Variants in NRG1 observed in about 807,000 individuals in gnomAD.
NRG1 encodes the protein neuregulin 1, also known as pro-neuregulin-1, membrane-bound isoform.
A neutral mutation model predicts 63.8 loss-of-function variants in NRG1; 18 were observed. The ratio of observed to expected loss-of-function variants is 0.28; its 90% confidence interval spans 0.19 to 0.42. NRG1 has a LOEUF of 0.42. Ranked by LOEUF, NRG1 falls within the 10% of genes least tolerant of loss-of-function variation. The pLI is 1.00. For synonymous variants in NRG1, 302 were observed against 301.3 expected (o/e 1.00, Z -0.02); for missense variants, 762 against 814.7 (o/e 0.94, Z 0.79).
chr8:32,463,781 C>T (rs1193026239), intron 1 of NRG1, among the ~76,000 whole-genome samples: 1 of 148,058 alleles, frequency 6.8e-6, no homozygotes, highest in Non-Finnish European at 1.5e-5. Context: ...GTCAAGGCTA[C>T]GGTAAGCCAT....
intron 5 of NRG1, among the ~76,000 whole-genome samples, chr8:32,624,218 G>C (rs548151751): frequency 1.2e-4 from 19 of 152,290 alleles, no homozygotes; most frequent in Admixed American, 1.0e-3. Context: ...GGAAGAATCT[G>C]ATTGGCCCTG....
chr8:32,272,192 T>TGCCA (rs1293223677), intron 1 of NRG1, among the ~76,000 whole-genome samples: 2 of 152,174 alleles, frequency 1.3e-5, no homozygotes, highest in Non-Finnish European at 2.9e-5. Flanking sequence ...AAGGTCAGGG[T>TGCCA]GCCAGCCTGC....
At chr8:31,870,389 A>G (rs1032829960) in intron 1 of NRG1, among the ~76,000 whole-genome samples, 17 of 152,212 alleles carry the variant, frequency 1.1e-4, no homozygotes, top group African/African-American at 4.1e-4. Context: ...GAATGCTTTT[A>G]TATAAATTCT....
chr8:32,750,534 C>T (rs1011051288), intron 7 of NRG1, among the ~76,000 whole-genome samples: 1 of 151,908 alleles, frequency 6.6e-6, no homozygotes, highest in African/African-American at 2.4e-5. Context: ...TATCTGGTCC[C>T]CATCCAGCTG....
At chr8:32,641,868 C>T (rs528935608) in intron 5 of NRG1, among the ~76,000 whole-genome samples, 1 of 152,336 alleles carries the variant, frequency 6.6e-6, no homozygotes, top group East Asian at 1.9e-4. Context: ...TCATTCATCT[C>T]ACCTATTTTG....
intron 1 of NRG1, among the ~76,000 whole-genome samples, chr8:32,147,516 C>T (rs1031622641): frequency 6.6e-6 from 1 of 152,138 alleles, no homozygotes; most frequent in African/African-American, 2.4e-5. Flanking sequence ...CAGAATAATA[C>T]TCTTCCCTCC....
chr8:31,949,434 A>G (rs999307054), intron 1 of NRG1, among the ~76,000 whole-genome samples: 1 of 152,184 alleles, frequency 6.6e-6, no homozygotes, highest in Non-Finnish European at 1.5e-5. Context: ...ACTGCCATCA[A>G]AATGAAAATT....
intron 1 of NRG1, among the ~76,000 whole-genome samples, chr8:32,251,677 T>C (rs1849122904): frequency 6.6e-6 from 1 of 152,180 alleles, no homozygotes; most frequent in African/African-American, 2.4e-5. Flanking sequence ...CCCAACAGTG[T>C]AAAAGTGTTC....
chr8:32,299,544 A>T (rs906346807), intron 1 of NRG1, among the ~76,000 whole-genome samples: 6 of 152,310 alleles, frequency 3.9e-5, no homozygotes, highest in East Asian at 1.9e-4. Flanking sequence ...GAAGGAAAAA[A>T]AATAATAATT....
At chr8:31,770,854 C>T (rs527683494) in intron 1 of NRG1, among the ~76,000 whole-genome samples, 1 of 150,460 alleles carries the variant, frequency 6.6e-6, no homozygotes, top group Non-Finnish European at 1.5e-5. Context: ...ATAGGCATTG[C>T]GATAATGCTA....
At chr8:32,252,901 C>T (rs1017834967) in intron 1 of NRG1, among the ~76,000 whole-genome samples, 3 of 151,990 alleles carry the variant, frequency 2.0e-5, no homozygotes, top group African/African-American at 4.8e-5. Context: ...TCCTTGAAGA[C>T]GTCCTTCACA....
At chr8:32,279,164 G>A (rs1209522876) in intron 1 of NRG1, among the ~76,000 whole-genome samples, 1 of 152,168 alleles carries the variant, frequency 6.6e-6, no homozygotes, top group African/African-American at 2.4e-5. Flanking sequence ...CGTTTATGTT[G>A]TGATGATAAA....
At chr8:32,027,452 CCTT>C (rs1817588278) in intron 1 of NRG1, among the ~76,000 whole-genome samples, 1 of 133,370 alleles carries the variant, frequency 7.5e-6, no homozygotes, top group Non-Finnish European at 1.6e-5. Context: ...TTCCTTCCTT[CCTT>C]CCTTCCTTCC....
chr8:31,687,562 C>T (rs117350852), intron 1 of NRG1, among the ~76,000 whole-genome samples: 2,843 of 152,282 alleles, frequency 0.019, 44 homozygotes, highest in Non-Finnish European at 0.028. Flanking sequence ...CTGTCCTGCA[C>T]TTACCATGGT....
intron 1 of NRG1, among the ~76,000 whole-genome samples, chr8:32,425,628 A>G (rs1412811082): frequency 1.3e-5 from 2 of 152,180 alleles, no homozygotes; most frequent in Non-Finnish European, 2.9e-5. Flanking sequence ...AGAGATCTAG[A>G]GCCCATATTG....
chr8:32,169,161 G>A (rs1040517987), intron 1 of NRG1, among the ~76,000 whole-genome samples: 2 of 152,174 alleles, frequency 1.3e-5, no homozygotes, highest in Non-Finnish European at 2.9e-5. Flanking sequence ...CTAGAAAAGA[G>A]CATCTCAGGT....
At chr8:31,921,925 A>T (rs1481627) in intron 1 of NRG1, among the ~76,000 whole-genome samples, 38,425 of 151,874 alleles carry the variant, frequency 0.25, 5,857 homozygotes, top group East Asian at 0.69. Flanking sequence ...TAATTTAAAA[A>T]ATTTTTTTAA....
At chr8:32,771,099 C>A (rs1328831254), downstream of NRG1, among the ~76,000 whole-genome samples, 1 of 151,734 alleles carries the variant, frequency 6.6e-6, no homozygotes, top group Non-Finnish European at 1.5e-5. Flanking sequence ...TTGATAAGTT[C>A]TTTAGGTTTT....
In NRG1 at chr8:31,780,612, C is replaced by T. The variant is rs1233778226; in HGVS notation, c.37+141181C>T. Among the ~76,000 whole-genome samples the T allele has an allele frequency of 2.0e-5, 3 of 152,164 alleles. No individual in the cohort carries two copies. In the East Asian group the frequency reaches 5.8e-4, roughly 29 times the overall value. The stretch of plus-strand genomic sequence containing the variant: ...CGTTAGAATTTCTGAGACATTCTAT[C>T]TTCATTTCTGATTGATTTTCAATTA... On this transcript the variant is annotated intron_variant, in intron 1 of 10. Coordinates refer to the NRG1 transcript ENST00000519301.
Sources: gnomAD v4.1 joint callset for allele counts (sites outside exome capture counted in the v4.1 genomes callset) on GRCh38, gnomAD v4.1.1 for gene constraint, MANE v1.5 for transcripts, NCBI Gene and HGNC (gene_info 2026-07-23, HGNC 2026-07-21) for gene names.